Variants in COG5 observed in about 807,000 individuals in gnomAD.
The protein encoded by COG5 is conserved oligomeric Golgi complex subunit 5.
COG5 carries 86 observed loss-of-function variants against 110.4 expected under a neutral mutation model. The observed-to-expected ratio is 0.78, with a 90% CI of 0.65 to 0.93. The LOEUF is 0.93. Ranked by LOEUF, COG5 falls within the 40% of genes least tolerant of loss-of-function variation. The pLI is 0.00. For synonymous variants in COG5, 360 were observed against 334.6 expected (o/e 1.08, Z -0.83); for missense variants, 1,077 against 987.0 (o/e 1.09, Z -1.22).
At chr7:107,346,382 A>AG (rs1432245992) in intron 10 of COG5, among the ~76,000 whole-genome samples, 1 of 151,084 alleles carries the variant, frequency 6.6e-6, no homozygotes, top group African/African-American at 2.4e-5. Context: ...AAAGGAAACA[A>AG]GGGGGGAAAG....
At chr7:107,368,434 G>A (rs537489780) in intron 8 of COG5, among the ~76,000 whole-genome samples, 41 of 152,182 alleles carry the variant, frequency 2.7e-4, no homozygotes, top group African/African-American at 9.9e-4. Context: ...GATGACAATG[G>A]TTATATATGA....
At chr7:107,354,627 G>T (rs989130944) in intron 10 of COG5, among the ~76,000 whole-genome samples, 4 of 152,158 alleles carry the variant, frequency 2.6e-5, no homozygotes, top group African/African-American at 9.7e-5. Flanking sequence ...AGTGAGCCGA[G>T]ACCACGCCAC....
chr7:107,458,442 A>G (rs1795795311), intron 6 of COG5, among the ~76,000 whole-genome samples: 2 of 152,254 alleles, frequency 1.3e-5, no homozygotes, highest in Admixed American at 6.5e-5. Flanking sequence ...TAGAAATTAT[A>G]TTGTATTAAT....
intron 5 of COG5, among the ~76,000 whole-genome samples, chr7:107,540,903 C>A (rs1391558935): frequency 1.3e-5 from 2 of 152,062 alleles, no homozygotes; most frequent in Non-Finnish European, 2.9e-5. Flanking sequence ...ATAATCCCAG[C>A]ACTTTGGGAG....
intron 6 of COG5, among the ~76,000 whole-genome samples, chr7:107,509,785 T>C (rs1408750348): frequency 6.6e-6 from 1 of 152,198 alleles, no homozygotes; most frequent in Non-Finnish European, 1.5e-5. Context: ...AGAATTTTCA[T>C]ATCCAGCCAA....
chr7:107,525,660 C>T (rs908196423), intron 6 of COG5, among the ~76,000 whole-genome samples: 1 of 151,962 alleles, frequency 6.6e-6, no homozygotes, highest in Admixed American at 6.6e-5. Flanking sequence ...TCGAGTGATC[C>T]TCCCATCTCA....
chr7:107,394,295 T>TAA lies in COG5; in HGVS notation c.669+18205_669+18206dup, dbSNP rs201411444. Reference sequence around the variant, plus strand: ...ATATTTTTTAAGTGAAAAAGATACTTAAAAAAAAAAAAAAGACTTCCTCAT... The same window carrying TAA: ...ATATTTTTTAAGTGAAAAAGATACTTAAAAAAAAAAAAAAAAGACTTCCTCAT... On this transcript the variant is annotated intron_variant, in intron 7 of 21. Transcript: ENST00000297135. Among the ~76,000 whole-genome samples, 108 of 139,886 alleles carry TAA rather than the reference T, an allele frequency of 7.7e-4. 1 individual carries two copies. In the South Asian group the frequency reaches 0.012, roughly 15 times the overall value. 91.8% of individuals were successfully genotyped at this position (139,886 alleles called of 152,430 possible). A position where few individuals can be genotyped will look rare whatever the true frequency, so the allele number is the denominator to read the frequency against.
intron 6 of COG5, among the ~76,000 whole-genome samples, chr7:107,519,748 T>C (rs1373798795): frequency 6.6e-6 from 1 of 152,148 alleles, no homozygotes; most frequent in Non-Finnish European, 1.5e-5. Flanking sequence ...CTTCAGATGA[T>C]ATTCCAAACA....
In COG5 at chr7:107,371,629, T is replaced by C. The variant is rs554922488; in HGVS notation, c.835+966A>G. The stretch of plus-strand genomic sequence containing the variant: ...TAACTATAGATAACATTTTGGGAAA[T>C]TTTCCTGAAGACTGAAGAAATAACA... On this transcript the variant is annotated intron_variant, in intron 8 of 21. Transcript: ENST00000297135. Among the ~76,000 whole-genome samples the C allele has an allele frequency of 2.6e-5, 4 of 152,120 alleles. No individual in the cohort carries two copies. The South Asian group carries it at 6.2e-4, about 24-fold the overall frequency.
intron 18 of COG5, among the ~76,000 whole-genome samples, chr7:107,234,829 T>C (rs917589903): frequency 2.0e-5 from 3 of 152,098 alleles, no homozygotes; most frequent in Admixed American, 1.3e-4. Context: ...ATCAGGTTTT[T>C]AATAAGCAAT....
At chr7:107,323,576 G>A (rs948709597) in intron 11 of COG5, among the ~76,000 whole-genome samples, 1 of 152,074 alleles carries the variant, frequency 6.6e-6, no homozygotes, top group African/African-American at 2.4e-5. Flanking sequence ...ACTAAATGGA[G>A]TAAATGGATC....
chr7:107,208,943 C>T (rs933679642), intron 21 of COG5: 3 of 984,368 alleles, frequency 3.0e-6, no homozygotes, highest in Non-Finnish European at 3.6e-6. Context: ...TGGCTGCACC[C>T]TGGACCTTCT....
intron 7 of COG5, among the ~76,000 whole-genome samples, chr7:107,411,158 T>C (rs528787605): frequency 3.3e-4 from 50 of 152,174 alleles, no homozygotes; most frequent in African/African-American, 1.2e-3. Context: ...CTGCATAAAA[T>C]CCCAAAGAAG....
intron 10 of COG5, among the ~76,000 whole-genome samples, chr7:107,361,380 T>C (rs948799657): frequency 1.3e-4 from 20 of 152,280 alleles, no homozygotes; most frequent in Admixed American, 6.5e-4. Flanking sequence ...ATGACTTCTA[T>C]TTAAATGTCG....
At chr7:107,238,796 C>A (rs1276747439) in intron 17 of COG5, among the ~76,000 whole-genome samples, 1 of 152,128 alleles carries the variant, frequency 6.6e-6, no homozygotes, top group African/African-American at 2.4e-5. Context: ...TGTATGTCTT[C>A]TTTTGAGAAA....
intron 17 of COG5, among the ~76,000 whole-genome samples, chr7:107,244,648 A>G (rs528286696): frequency 4.0e-4 from 61 of 152,176 alleles, no homozygotes; most frequent in African/African-American, 1.4e-3. Flanking sequence ...TACTGACCCC[A>G]TAGGAAAAAA....
At chr7:107,549,017 CAT>C (rs1248174106) in intron 3 of COG5, among the ~76,000 whole-genome samples, 2 of 152,134 alleles carry the variant, frequency 1.3e-5, no homozygotes, top group African/African-American at 2.4e-5. Context: ...TAAGTATAGA[CAT>C]GTGGTCATAT....
At chr7:107,420,642 T>C (rs1793219441) in intron 6 of COG5, among the ~76,000 whole-genome samples, 1 of 152,172 alleles carries the variant, frequency 6.6e-6, no homozygotes, top group African/African-American at 2.4e-5. Context: ...TCTGTATTTT[T>C]AATAGATATG....
intron 6 of COG5, among the ~76,000 whole-genome samples, chr7:107,441,064 T>A (rs527492538): frequency 6.6e-6 from 1 of 151,378 alleles, no homozygotes; most frequent in African/African-American, 2.4e-5. Context: ...CCATCCTGTC[T>A]AACACAGTGA....
Sources: gnomAD v4.1 joint callset for allele counts (sites outside exome capture counted in the v4.1 genomes callset) on GRCh38, gnomAD v4.1.1 for gene constraint, MANE v1.5 for transcripts, NCBI Gene and HGNC (gene_info 2026-07-23, HGNC 2026-07-21) for gene names.